EXOC4: variants seen among roughly 807,000 people sequenced by gnomAD.
EXOC4 encodes the protein exocyst complex component 4, also known as SEC8-like 1.
Under a neutral mutation model 107.2 loss-of-function variants are expected in EXOC4, and 71 were observed. That is an observed-to-expected ratio of 0.66 (90% confidence interval 0.55 to 0.81). The LOEUF is 0.81. EXOC4 is among the 30% of genes least tolerant of loss of function. The pLI is 0.00. For synonymous variants in EXOC4, 456 were observed against 441.2 expected (o/e 1.03, Z -0.42); for missense variants, 1,108 against 1,189.6 (o/e 0.93, Z 1.01).
intron 1 of EXOC4, among the ~76,000 whole-genome samples, chr7:133,274,376 A>T (rs926660099): frequency 1.3e-5 from 2 of 152,234 alleles, no homozygotes; most frequent in Non-Finnish European, 2.9e-5. Flanking sequence ...ACTGAAAGTG[A>T]CTTAAACAAT....
intron 10 of EXOC4, among the ~76,000 whole-genome samples, chr7:133,757,096 C>G (rs1005588599): frequency 4.6e-5 from 7 of 152,152 alleles, no homozygotes; most frequent in African/African-American, 1.7e-4. Flanking sequence ...GTTTTCTGTG[C>G]GTAAGTGGCT....
At chr7:134,023,847 C>T (rs1042742605) in intron 17 of EXOC4, among the ~76,000 whole-genome samples, 1 of 152,222 alleles carries the variant, frequency 6.6e-6, no homozygotes, top group East Asian at 1.9e-4. Flanking sequence ...GTTGTATAGT[C>T]GACCTGCAGG....
intron 11 of EXOC4, among the ~76,000 whole-genome samples, chr7:133,820,154 A>ATTTTTTTTTTT (rs35640945): frequency 1.7e-4 from 12 of 70,294 alleles, no homozygotes; most frequent in South Asian, 4.9e-4. Context: ...CACCTGCTTC[A>ATTTTTTTTTTT]TTTTTTTTTT....
chr7:133,720,281 C>G (rs1385454218), intron 10 of EXOC4, among the ~76,000 whole-genome samples: 1 of 152,118 alleles, frequency 6.6e-6, no homozygotes, highest in Non-Finnish European at 1.5e-5. Flanking sequence ...TGTATAGTAC[C>G]TATTTTGCCA....
chr7:133,592,787 G>C (rs1313790062), intron 9 of EXOC4, among the ~76,000 whole-genome samples: 1 of 152,168 alleles, frequency 6.6e-6, no homozygotes, highest in East Asian at 1.9e-4. Context: ...ATTTTTATTA[G>C]AGACGGGGTT....
chr7:134,060,408 A>AGAGT (rs1796029149), intron 17 of EXOC4, among the ~76,000 whole-genome samples: 3 of 152,322 alleles, frequency 2.0e-5, no homozygotes, highest in African/African-American at 7.2e-5. Flanking sequence ...AGGGCTACAA[A>AGAGT]CCATGAGCCA....
chr7:133,299,984 A>G (rs377238691), intron 3 of EXOC4, among the ~76,000 whole-genome samples: 2 of 152,196 alleles, frequency 1.3e-5, no homozygotes, highest in African/African-American at 4.8e-5. Context: ...AAGGTTTATT[A>G]AATAAAAACA....
At chr7:133,903,279 G>GTAAAATAT (rs1799496213) in intron 12 of EXOC4, among the ~76,000 whole-genome samples, 1 of 152,216 alleles carries the variant, frequency 6.6e-6, no homozygotes, top group Non-Finnish European at 1.5e-5. Context: ...GGAGCAGCAT[G>GTAAAATAT]ATCTTACATA....
intron 10 of EXOC4, chr7:133,768,193 T>TAA (rs1227386631): frequency 6.6e-6 from 1 of 151,946 alleles, no homozygotes; most frequent in Non-Finnish European, 1.5e-5. Context: ...TTTATCCTCT[T>TAA]AAATGGGAAA....
chr7:133,420,529 A>G (rs1224213144), intron 7 of EXOC4, among the ~76,000 whole-genome samples: 4 of 152,030 alleles, frequency 2.6e-5, no homozygotes, highest in East Asian at 1.9e-4. Flanking sequence ...GTGACAGCCT[A>G]TCATCTTTTT....
At chr7:133,930,764 G>C (rs1220598345) in intron 13 of EXOC4, 1 of 151,988 alleles carries the variant, frequency 6.6e-6, no homozygotes, top group Non-Finnish European at 1.5e-5. Context: ...GTTTGTGTGT[G>C]TGTGTATGTG....
At chr7:133,567,885 G>C (rs982010201) in intron 9 of EXOC4, among the ~76,000 whole-genome samples, 2 of 152,162 alleles carry the variant, frequency 1.3e-5, no homozygotes, top group Non-Finnish European at 2.9e-5. Flanking sequence ...TCTGCCTCTT[G>C]AAGGTTCTAC....
rs577883409 is a variant in EXOC4 at position 133,445,618 on chromosome 7, A to G, written c.1183-29710A>G. Among the ~76,000 whole-genome samples the G allele has an allele frequency of 9.4e-4, 5 of 5,306 alleles. No homozygotes were observed. In the South Asian group the frequency reaches 0.061, roughly 65 times the overall value. The allele number at this position is 5,306 out of a possible 152,430, so 3.5% of individuals were successfully genotyped here. A position where few individuals can be genotyped will look rare whatever the true frequency, so the allele number is the denominator to read the frequency against. On this transcript the variant is annotated intron_variant, in intron 7 of 17. Coordinates refer to ENST00000253861, the MANE Select transcript of EXOC4 (RefSeq NM_021807.4). ...CACCTCAGAGGCCTGGACAGTTACT[A>G]CAAACAAACAAACAAACAAACAAAC... is the stretch of plus-strand genomic sequence containing the variant.
intron 10 of EXOC4, among the ~76,000 whole-genome samples, chr7:133,771,713 C>G (rs1796246991): frequency 6.6e-6 from 1 of 151,912 alleles, no homozygotes; most frequent in Admixed American, 6.6e-5. Flanking sequence ...CATATTGCTA[C>G]AGTCGCTCTT....
chr7:133,564,960 T>G (rs1463512832), intron 9 of EXOC4, among the ~76,000 whole-genome samples: 1 of 152,134 alleles, frequency 6.6e-6, no homozygotes, highest in African/African-American at 2.4e-5. Context: ...CCCAGCCAAG[T>G]ACAGACAACC....
rs903714833 is a variant in EXOC4, at chr7:133,434,768, G to C, written c.1183-40560G>C. Reference sequence around the variant, plus strand: ...GAGGTGCCTTTTATACAGACCTCAGGATTGTGCTGTCATAATAGATAAATC... The same window carrying C: ...GAGGTGCCTTTTATACAGACCTCAGCATTGTGCTGTCATAATAGATAAATC... On this transcript the variant is annotated intron_variant, in intron 7 of 17. Coordinates refer to ENST00000253861, the MANE Select transcript of EXOC4 (RefSeq NM_021807.4). Among the ~76,000 whole-genome samples, 9 of 152,258 alleles carry C rather than the reference G, an allele frequency of 5.9e-5. No individual in the cohort carries two copies. The South Asian group carries it at 1.7e-3, about 28-fold the overall frequency.
At chr7:133,765,336 C>A (rs1796114160) in intron 10 of EXOC4, among the ~76,000 whole-genome samples, 1 of 151,956 alleles carries the variant, frequency 6.6e-6, no homozygotes, top group South Asian at 2.1e-4. Context: ...ACATGTATGA[C>A]ACAAAATTTA....
At chr7:133,797,144 T>A (rs962855309) in intron 10 of EXOC4, among the ~76,000 whole-genome samples, 2 of 152,176 alleles carry the variant, frequency 1.3e-5, no homozygotes, top group Admixed American at 6.5e-5. Context: ...TCAGAATTCA[T>A]CTCTGTATTC....
At chr7:133,474,156 TTATC>T (rs1361234821) in intron 7 of EXOC4, among the ~76,000 whole-genome samples, 1 of 152,208 alleles carries the variant, frequency 6.6e-6, no homozygotes, top group African/African-American at 2.4e-5. Context: ...TTCCTTCTTA[TTATC>T]TTTCTTTGTG....
Sources: allele counts gnomAD v4.1 joint callset (sites outside exome capture counted in the v4.1 genomes callset), GRCh38; gene constraint gnomAD v4.1.1; transcripts MANE v1.5; gene names NCBI Gene and HGNC (gene_info 2026-07-23, HGNC 2026-07-21).